NAV3: variants seen among roughly 807,000 people sequenced by gnomAD.
NAV3 encodes the protein neuron navigator 3.
In NAV3, 87 loss-of-function variants were observed where a neutral mutation model predicts 244.7. The ratio of observed to expected loss-of-function variants is 0.36; its 90% confidence interval spans 0.30 to 0.42. The LOEUF (loss-of-function observed/expected upper bound fraction) is 0.42, where lower values mean the gene tolerates loss of function less well. NAV3 is among the 20% of genes least tolerant of loss of function. The pLI, the probability that NAV3 is intolerant of heterozygous loss-of-function variation, is 1.00. For missense variants in NAV3, 2,663 were observed against 2,893.3 expected, an observed-to-expected ratio of 0.92 and a Z score of 1.83; for synonymous variants, 1,126 against 1,042.2, an observed-to-expected ratio of 1.08 and a Z score of -1.55.
At chr12:77,636,339 G>A (rs188210906) in intron 2 of NAV3, among the ~76,000 whole-genome samples, 192 of 151,868 alleles carry the variant, frequency 1.3e-3, no homozygotes, top group Non-Finnish European at 1.8e-3. Flanking sequence ...GGTGGTGGGC[G>A]CCTGTAGTCC....
chr12:77,650,445 G>A (rs1872774978), intron 2 of NAV3, among the ~76,000 whole-genome samples: 1 of 151,978 alleles, frequency 6.6e-6, no homozygotes, highest in Non-Finnish European at 1.5e-5. Context: ...GCTGTCATGA[G>A]GTAGTTTCAT....
At chr12:77,803,360 G>A (rs1272328320) in intron 2 of NAV3, among the ~76,000 whole-genome samples, 4 of 152,130 alleles carry the variant, frequency 2.6e-5, no homozygotes, top group South Asian at 2.1e-4. Context: ...TCCCATGTAT[G>A]AGTGAGAACA....
intron 1 of NAV3, among the ~76,000 whole-genome samples, chr12:77,849,229 A>G (rs1877109195): frequency 6.8e-6 from 1 of 146,674 alleles, no homozygotes; most frequent in South Asian, 2.2e-4. Context: ...AATGTGTTGT[A>G]TGTAATAGTG....
chr12:78,127,406 T>C (rs1188479374), intron 17 of NAV3, among the ~76,000 whole-genome samples, 198 bp downstream of exon 17: 4 of 152,194 alleles, frequency 2.6e-5, no homozygotes, highest in African/African-American at 9.7e-5. Context: ...AGATTGAGGC[T>C]GTCTCTCAAA....
chr12:77,854,987 C>T (rs1294302696), intron 1 of NAV3, among the ~76,000 whole-genome samples: 2 of 151,880 alleles, frequency 1.3e-5, no homozygotes, highest in African/African-American at 2.4e-5. Flanking sequence ...ATTAGCTGGG[C>T]GTGGTGGCGG....
intron 1 of NAV3, among the ~76,000 whole-genome samples, chr12:77,916,522 G>A (rs1163282543): frequency 3.1e-5 from 4 of 127,000 alleles, no homozygotes; most frequent in Non-Finnish European, 4.9e-5. Flanking sequence ...GGAGTGGCAC[G>A]TTTTTCATTG....
intron 2 of NAV3, among the ~76,000 whole-genome samples, chr12:77,794,153 C>T (rs954935526): frequency 2.0e-5 from 3 of 152,148 alleles, no homozygotes; most frequent in Non-Finnish European, 2.9e-5. Flanking sequence ...ATACTTCACC[C>T]ACTTTTTGCT....
intron 2 of NAV3, among the ~76,000 whole-genome samples, chr12:77,681,563 A>G (rs1000686691): frequency 6.6e-6 from 1 of 152,232 alleles, no homozygotes; most frequent in Non-Finnish European, 1.5e-5. Flanking sequence ...CAACATTTGA[A>G]GTTTGAGAGA....
chr12:78,179,070 G>C (rs1958385033), intron 28 of NAV3, among the ~76,000 whole-genome samples: 2 of 152,024 alleles, frequency 1.3e-5, no homozygotes, highest in South Asian at 4.1e-4. Context: ...ATTAAAGACA[G>C]TATTGTGGCA....
In NAV3 at chr12:78,128,745, CAA is replaced by C. The variant is rs747122936; in HGVS notation, c.4322_4323del (p.Lys1441ArgfsTer38). On this transcript the variant is annotated frameshift_variant, in exon 18 of 40. Coordinates refer to ENST00000397909, the MANE Select transcript of NAV3 (RefSeq NM_001024383.2). LOFTEE classifies it high-confidence loss of function. ...CTCGGCAGGCCAACCAAGAAGAGGG[CAA>C]AGAGTGGTTGCGTTCTCATTCTACT... ...SSRQANQEEG[K>X]EWLRSHSTGG... is the part of the protein sequence containing the mutation. 1 of 1,614,044 alleles carries C rather than the reference CAA, an allele frequency of 6.2e-7. No individual in the cohort carries two copies. The highest frequency in any genetic ancestry group is 8.5e-7 in the Non-Finnish European group (1 of 1,179,952).
At chr12:77,692,148 G>T (rs1196241803) in intron 2 of NAV3, among the ~76,000 whole-genome samples, 1 of 151,808 alleles carries the variant, frequency 6.6e-6, no homozygotes, top group Non-Finnish European at 1.5e-5. Flanking sequence ...ACATATAAAT[G>T]GGAGACAAAA....
chr12:77,699,284 A>T (rs1270852127), intron 2 of NAV3, among the ~76,000 whole-genome samples: 1 of 152,100 alleles, frequency 6.6e-6, no homozygotes, highest in East Asian at 1.9e-4. Context: ...TTTGTGCGTT[A>T]TTCTCAATGC....
At chr12:77,793,325 GT>G (rs1298408734) in intron 2 of NAV3, among the ~76,000 whole-genome samples, 1 of 152,150 alleles carries the variant, frequency 6.6e-6, no homozygotes, top group Non-Finnish European at 1.5e-5. Context: ...TTTACTTTAT[GT>G]TTTGGGATAC....
intron 1 of NAV3, among the ~76,000 whole-genome samples, chr12:77,842,976 A>G (rs1427090673): frequency 1.3e-5 from 2 of 151,984 alleles, no homozygotes; most frequent in African/African-American, 2.4e-5. Flanking sequence ...ATTTCTCTTT[A>G]TTGTCCCTGA....
intron 35 of NAV3, among the ~76,000 whole-genome samples, chr12:78,198,277 T>G (rs1437059522): frequency 6.6e-6 from 1 of 151,930 alleles, no homozygotes; most frequent in Non-Finnish European, 1.5e-5. Flanking sequence ...TAATAAATTT[T>G]ATCATAAGCA....
chr12:77,802,293 A>G (rs763072746), intron 2 of NAV3, among the ~76,000 whole-genome samples: 2 of 152,212 alleles, frequency 1.3e-5, no homozygotes, highest in Non-Finnish European at 2.9e-5. Context: ...CTGGACAGGA[A>G]CTGGCAAAAG....
At chr12:77,809,687 T>C (rs1349493112) in intron 2 of NAV3, among the ~76,000 whole-genome samples, 1 of 147,398 alleles carries the variant, frequency 6.8e-6, no homozygotes, top group Non-Finnish European at 1.5e-5. Flanking sequence ...AGTTAGTCTT[T>C]TTTGTTTTCT....
intron 34 of NAV3, 100 bp from the exon 35 acceptor site, chr12:78,197,147 A>T (rs1959187257): frequency 1.2e-6 from 1 of 853,438 alleles, no homozygotes; most frequent in Admixed American, 3.8e-5. Context: ...TAATGAAAGA[A>T]ACGGAATAGA....
At chr12:77,824,806 T>C (rs1872902551) in intron 2 of NAV3, among the ~76,000 whole-genome samples, 1 of 151,756 alleles carries the variant, frequency 6.6e-6, no homozygotes, top group Admixed American at 6.6e-5. Flanking sequence ...GGCAGCAAAA[T>C]GGCTTGAACC....
Sources: gnomAD v4.1 joint callset for allele counts (sites outside exome capture counted in the v4.1 genomes callset) on GRCh38, gnomAD v4.1.1 for gene constraint, MANE v1.5 for transcripts, NCBI Gene and HGNC (gene_info 2026-07-23, HGNC 2026-07-21) for gene names.